BIRC5: variants seen among roughly 807,000 people sequenced by gnomAD.
BIRC5 encodes the protein baculoviral IAP repeat containing 5.
Under a neutral mutation model 15.8 loss-of-function variants are expected in BIRC5, and 8 were observed. That is an observed-to-expected ratio of 0.51 (90% CI 0.30 to 0.91). BIRC5 has a LOEUF of 0.91. BIRC5 is among the 40% of genes least tolerant of loss of function. The probability of loss-of-function intolerance (pLI) is 0.07; values close to 1 mark genes in which losing one functional copy is unlikely to be tolerated. For missense variants in BIRC5, 163 were observed against 178.6 expected, an observed-to-expected ratio of 0.91 and a Z score of 0.50; for synonymous variants, 56 against 64.5, an observed-to-expected ratio of 0.87 and a Z score of 0.63.
At chr17:78,221,227 C>A (rs955944334) in intron 3 of BIRC5, among the ~76,000 whole-genome samples, 1 of 152,050 alleles carries the variant, frequency 6.6e-6, no homozygotes, top group South Asian at 2.1e-4. Context: ...GAAGGAGAGG[C>A]GAGTTGTAGA....
chr17:78,224,700 C>T lies in BIRC5; in HGVS notation c.*1146C>T, dbSNP rs2076538509. 1.3e-5 allele frequency: 2 copies of T among 152,242 alleles called. No homozygotes were observed. The allele number at this position is 152,242 out of a possible 1,614,324, so 9.4% of individuals were successfully genotyped here. On this transcript the variant is annotated 3_prime_UTR_variant, in exon 4 of 4. Transcript: ENST00000350051. The stretch of plus-strand genomic sequence containing the variant: ...GAAATAAAAAGCCTGTCATTTCAAA[C>T]ACTGCTGTGGACCCTACTGGGTTTT...
chr17:78,216,616 G>T (rs367598501), intron 2 of BIRC5, 48 bp from the exon 3 acceptor site: 2 of 1,565,778 alleles, frequency 1.3e-6, no homozygotes, highest in Non-Finnish European at 1.8e-6. Flanking sequence ...GTGGACTGCC[G>T]CTTTAATCCC....
At chr17:78,219,225 C>T (rs1286377127) in intron 3 of BIRC5, among the ~76,000 whole-genome samples, 1 of 152,168 alleles carries the variant, frequency 6.6e-6, no homozygotes, top group East Asian at 1.9e-4. Context: ...CACTCAGTCG[C>T]CCAGGCTGGA....
At position 78,224,663 on chromosome 17, in the gene BIRC5, G is replaced by A. The variant is rs138794504; in HGVS notation, c.*1109G>A. 50 of 152,354 alleles carry A rather than the reference G, an allele frequency of 3.3e-4. 1 individual carries two copies. The East Asian group carries it at 6.9e-3, about 21-fold the overall frequency. The allele number at this position is 152,354 out of a possible 1,614,324, so 9.4% of individuals were successfully genotyped here. Reference sequence around the variant, plus strand: ...GCTGGAAACCTCTGGAGGTCATCTCGGCTGTTCCTGAGAAATAAAAAGCCT... The same window carrying A: ...GCTGGAAACCTCTGGAGGTCATCTCAGCTGTTCCTGAGAAATAAAAAGCCT... On this transcript the variant is annotated 3_prime_UTR_variant, in exon 4 of 4. Transcript: ENST00000350051.
rs751746692 is a variant in BIRC5 at position 78,224,788 on chromosome 17, C to T, written c.*1234C>T. ...GCCAACAGCCATCTGCCCAGACAGC[C>T]GCAGTGAGGATGAGCGTCCTGGCAG... is the stretch of plus-strand genomic sequence containing the variant. On this transcript the variant is annotated 3_prime_UTR_variant, in exon 4 of 4. Coordinates refer to ENST00000350051, the MANE Select transcript of BIRC5 (RefSeq NM_001168.3). 6 of 152,198 alleles carry T rather than the reference C, an allele frequency of 3.9e-5. No individual in the cohort carries two copies. The highest frequency in any genetic ancestry group is 4.8e-5 in the African/African-American group (2 of 41,436). 9.4% of individuals were successfully genotyped at this position (152,198 alleles called of 1,614,324 possible).
chr17:78,218,268 T>TTATG (rs1008181831), intron 3 of BIRC5, among the ~76,000 whole-genome samples: 1 of 120,230 alleles, frequency 8.3e-6, no homozygotes, highest in Non-Finnish European at 1.9e-5. Context: ...TAACTGGGCT[T>TTATG]TATTTATTTA....
intron 3 of BIRC5, among the ~76,000 whole-genome samples, chr17:78,221,662 T>A (rs2076516646): frequency 6.6e-6 from 1 of 152,200 alleles, no homozygotes; most frequent in Non-Finnish European, 1.5e-5. Flanking sequence ...GCAAGAGTTG[T>A]GTTTGCTTCG....
intron 3 of BIRC5, among the ~76,000 whole-genome samples, chr17:78,222,316 CAA>C (rs1274667671): frequency 6.6e-6 from 1 of 150,598 alleles, no homozygotes; most frequent in Non-Finnish European, 1.5e-5. Flanking sequence ...TAAAAAATGA[CAA>C]ATTTTTATTA....
In BIRC5 at chr17:78,223,594, C is replaced by T. The variant is rs1396792895; in HGVS notation, c.*40C>T. On this transcript the variant is annotated 3_prime_UTR_variant, in exon 4 of 4. Transcript: ENST00000350051. ...GCTGCCTGGTCCCAGAGTGGCTGCACCACTTCCAGGGTTTATTCCCTGGTG... is the reference window on the plus strand; with the variant it reads ...GCTGCCTGGTCCCAGAGTGGCTGCATCACTTCCAGGGTTTATTCCCTGGTG... The T allele has an allele frequency of 1.2e-6, 2 of 1,613,032 alleles. No individual in the cohort carries two copies. The highest frequency in any genetic ancestry group is 1.1e-5 in the South Asian group (1 of 90,760).
intron 3 of BIRC5, among the ~76,000 whole-genome samples, 160 bp downstream of exon 3, chr17:78,216,941 G>T (rs191424447): frequency 6.6e-6 from 1 of 150,424 alleles, no homozygotes; most frequent in South Asian, 2.1e-4. Flanking sequence ...GTGCAATGGT[G>T]CAATCTTGGC....
intron 3 of BIRC5, among the ~76,000 whole-genome samples, chr17:78,219,910 A>G (rs2076503789): frequency 6.6e-6 from 1 of 152,154 alleles, no homozygotes; most frequent in Non-Finnish European, 1.5e-5. Context: ...GGAGGAGCAG[A>G]GTGGATGTGG....
intron 3 of BIRC5, among the ~76,000 whole-genome samples, chr17:78,217,990 T>G (rs2064452733): frequency 6.9e-6 from 1 of 145,728 alleles, no homozygotes; most frequent in Admixed American, 6.8e-5. Context: ...TTATTTATTT[T>G]CATAGAGATG....
intron 3 of BIRC5, among the ~76,000 whole-genome samples, chr17:78,219,258 C>T (rs2076500501): frequency 1.3e-5 from 2 of 152,174 alleles, no homozygotes; most frequent in Admixed American, 1.3e-4. Flanking sequence ...GATCTTGGCT[C>T]ACTGCGACCT....
chr17:78,216,876 A>T, intron 3 of BIRC5, 95 bp downstream of exon 3: 1 of 992,298 alleles, frequency 1.0e-6, no homozygotes, highest in Non-Finnish European at 1.5e-6. Flanking sequence ...TTTCCTCAGG[A>T]AGCATTTTTT....
intron 3 of BIRC5, 104 bp downstream of exon 3, chr17:78,216,885 T>C (rs2076482253): frequency 3.3e-6 from 3 of 903,932 alleles, no homozygotes; most frequent in South Asian, 3.2e-5. Context: ...GAAGCATTTT[T>C]TTTTTTTTTC....
chr17:78,214,406 C>T lies in BIRC5; in HGVS notation c.90C>T (p.Gly30=), dbSNP rs145526644. ...STFKNWPFLE[G]CACTPERMAE... ...TCAAGAACTGGCCCTTCTTGGAGGGCTGCGCCTGCACCCCGGAGCGGGTGA... is the reference window on the plus strand; with the variant it reads ...TCAAGAACTGGCCCTTCTTGGAGGGTTGCGCCTGCACCCCGGAGCGGGTGA... Residue 30 remains glycine, a synonymous_variant, in exon 1 of 4, where the codon GGC becomes GGT. Transcript: ENST00000350051. 111 of 1,590,066 alleles carry T rather than the reference C, an allele frequency of 7.0e-5. No homozygotes were observed. The African/African-American group carries it at 1.4e-3, about 20-fold the overall frequency.
At chr17:78,218,543 G>C (rs2076495761) in intron 3 of BIRC5, among the ~76,000 whole-genome samples, 2 of 150,736 alleles carry the variant, frequency 1.3e-5, no homozygotes, top group African/African-American at 4.9e-5. Context: ...GCCCGCTTTA[G>C]CCTCCCAGAG....
At chr17:78,214,818 G>A (rs1311179260) in intron 2 of BIRC5, 29 bp downstream of exon 2, 1 of 1,576,300 alleles carries the variant, frequency 6.3e-7, no homozygotes, top group East Asian at 2.3e-5. Context: ...GCCTCGATGG[G>A]CTTTGTTTTG....
At chr17:78,222,302 A>G (rs1241320220) in intron 3 of BIRC5, among the ~76,000 whole-genome samples, 2 of 151,050 alleles carry the variant, frequency 1.3e-5, no homozygotes, top group Non-Finnish European at 3.0e-5. Context: ...TTATAAATTT[A>G]TATTAAAAAA....
Sources: gnomAD v4.1 joint callset for allele counts (sites outside exome capture counted in the v4.1 genomes callset) on GRCh38, gnomAD v4.1.1 for gene constraint, MANE v1.5 for transcripts, NCBI Gene and HGNC (gene_info 2026-07-23, HGNC 2026-07-21) for gene names.